Variants in KCNIP1 observed in about 807,000 individuals in gnomAD.
KCNIP1 encodes potassium voltage-gated channel interacting protein 1, also known as A-type potassium channel modulatory protein KCNIP1.
KCNIP1 carries 18 observed loss-of-function variants against 33.0 expected under a neutral mutation model. The ratio of observed to expected loss-of-function variants is 0.55; its 90% CI spans 0.38 to 0.81. KCNIP1 has a LOEUF of 0.81. KCNIP1 is among the 30% of genes least tolerant of loss of function. The pLI is 0.00. For synonymous variants in KCNIP1, 93 were observed against 98.3 expected (o/e 0.95, Z 0.32); for missense variants, 238 against 271.6 (o/e 0.88, Z 0.87).
At chr5:170,434,192 A>G (rs1581188774) in intron 1 of KCNIP1, among the ~76,000 whole-genome samples, 1 of 152,314 alleles carries the variant, frequency 6.6e-6, no homozygotes, top group South Asian at 2.1e-4. Context: ...GAATAATATC[A>G]GTACCTCCCT....
At chr5:170,585,154 A>G (rs1408724439) in intron 1 of KCNIP1, among the ~76,000 whole-genome samples, 1 of 146,700 alleles carries the variant, frequency 6.8e-6, no homozygotes, top group Non-Finnish European at 1.5e-5. Flanking sequence ...AAAAAGAAAA[A>G]AAAGAAAAAA....
chr5:170,487,049 A>G (rs1279044594), intron 1 of KCNIP1, among the ~76,000 whole-genome samples: 1 of 152,204 alleles, frequency 6.6e-6, no homozygotes, highest in Non-Finnish European at 1.5e-5. Context: ...AGACATATCT[A>G]TATATCTAGA....
chr5:170,572,594 C>A (rs184729439), intron 1 of KCNIP1, among the ~76,000 whole-genome samples: 52 of 152,314 alleles, frequency 3.4e-4, no homozygotes, highest in African/African-American at 9.9e-4. Flanking sequence ...GCCATAGGAT[C>A]AAATGCTTCC....
chr5:170,547,112 G>C (rs1756437881), intron 1 of KCNIP1, among the ~76,000 whole-genome samples: 2 of 152,176 alleles, frequency 1.3e-5, no homozygotes, highest in Non-Finnish European at 2.9e-5. Context: ...TTGTTGAGAA[G>C]ACAGATGTTA....
chr5:170,396,106 C>A (rs1581150230), intron 1 of KCNIP1, among the ~76,000 whole-genome samples: 1 of 152,160 alleles, frequency 6.6e-6, no homozygotes, highest in Admixed American at 6.5e-5. Flanking sequence ...TGCCAGCACA[C>A]CACTTTAGAG....
chr5:170,553,062 C>T (rs139525835), intron 1 of KCNIP1, among the ~76,000 whole-genome samples: 16 of 152,344 alleles, frequency 1.1e-4, no homozygotes, highest in African/African-American at 2.9e-4. Flanking sequence ...CAGCAAGCTG[C>T]GGCCCGTGCC....
intron 1 of KCNIP1, among the ~76,000 whole-genome samples, chr5:170,493,330 A>T (rs897134204): frequency 1.3e-5 from 2 of 152,192 alleles, no homozygotes; most frequent in African/African-American, 4.8e-5. Context: ...AATGCTTTTC[A>T]GTTCAGCAGA....
chr5:170,676,630 T>C (rs1334645032), intron 1 of KCNIP1, among the ~76,000 whole-genome samples: 1 of 152,188 alleles, frequency 6.6e-6, no homozygotes, highest in Non-Finnish European at 1.5e-5. Flanking sequence ...AGACAGTACC[T>C]TACCAGGAGA....
At chr5:170,573,220 G>T (rs1043951600) in intron 1 of KCNIP1, among the ~76,000 whole-genome samples, 1 of 152,178 alleles carries the variant, frequency 6.6e-6, no homozygotes, top group Non-Finnish European at 1.5e-5. Flanking sequence ...GGGTAATATT[G>T]GTACTTTAAT....
At chr5:170,395,332 AT>A (rs1209163565) in intron 1 of KCNIP1, among the ~76,000 whole-genome samples, 6 of 152,106 alleles carry the variant, frequency 3.9e-5, no homozygotes, top group Non-Finnish European at 8.8e-5. Context: ...TTTAATTTGC[AT>A]TTCTCTGATG....
intron 1 of KCNIP1, chr5:170,484,010 C>T (rs1403545476): frequency 6.6e-6 from 1 of 152,198 alleles, no homozygotes; most frequent in African/African-American, 2.4e-5. Flanking sequence ...ATTTCTTAGA[C>T]AAGTTCTCAG....
At chr5:170,370,032 A>C (rs567828933) in intron 1 of KCNIP1, among the ~76,000 whole-genome samples, 2 of 152,250 alleles carry the variant, frequency 1.3e-5, no homozygotes, top group East Asian at 3.9e-4. Flanking sequence ...GTTCAAAGCA[A>C]AGATAGGCAG....
intron 1 of KCNIP1, among the ~76,000 whole-genome samples, chr5:170,497,903 A>G (rs1036878040): frequency 2.0e-5 from 3 of 152,214 alleles, no homozygotes; most frequent in African/African-American, 7.2e-5. Context: ...GCAGCGCAGA[A>G]GCGTGCAGGG....
intron 1 of KCNIP1, chr5:170,378,842 G>A (rs1468408716): frequency 6.2e-7 from 1 of 1,614,270 alleles, no homozygotes. Context: ...GCTGGAATAG[G>A]ACGCTGGTTT....
Position 170,728,995 on chromosome 5 carries a change from T to C in KCNIP1, c.436-3805T>C, listed in dbSNP as rs532495448. Among the ~76,000 whole-genome samples the C allele has an allele frequency of 8.5e-5, 13 of 152,124 alleles. No homozygotes were observed. In the South Asian group the frequency reaches 1.2e-3, roughly 15 times the overall value. On this transcript the variant is annotated intron_variant, in intron 5 of 7. Coordinates refer to ENST00000328939, the MANE Select transcript of KCNIP1 (RefSeq NM_014592.4). ...AGAAATCCCAGGTACAAATACCATC[T>C]TGGTTCATAATAAAGGGAGCATATT...
chr5:170,443,784 T>G (rs1756046576), intron 1 of KCNIP1, among the ~76,000 whole-genome samples: 1 of 152,192 alleles, frequency 6.6e-6, no homozygotes, highest in Non-Finnish European at 1.5e-5. Context: ...ATGAAGCAGC[T>G]GCTTGCAGGA....
At chr5:170,354,505 G>A (rs563503448) in intron 1 of KCNIP1, among the ~76,000 whole-genome samples, 2 of 152,184 alleles carry the variant, frequency 1.3e-5, no homozygotes, top group African/African-American at 2.4e-5. Flanking sequence ...CGTGCTTCTG[G>A]GGCTTCATTC....
At chr5:170,586,729 C>T (rs1323204559) in intron 1 of KCNIP1, among the ~76,000 whole-genome samples, 1 of 152,244 alleles carries the variant, frequency 6.6e-6, no homozygotes, top group Non-Finnish European at 1.5e-5. Context: ...TGTTGCTACT[C>T]TTGTCAGTAT....
chr5:170,378,980 G>A (rs1764126140), intron 1 of KCNIP1: 1 of 1,612,808 alleles, frequency 6.2e-7, no homozygotes, highest in South Asian at 1.1e-5. Context: ...AGCACTGTGG[G>A]GAGAAACAAG....
Sources: allele counts gnomAD v4.1 joint callset (sites outside exome capture counted in the v4.1 genomes callset), GRCh38; gene constraint gnomAD v4.1.1; transcripts MANE v1.5; gene names NCBI Gene and HGNC (gene_info 2026-07-23, HGNC 2026-07-21).